FAM200B: variants seen among roughly 807,000 people sequenced by gnomAD.
FAM200B encodes zinc finger BED-type containing 11, also known as protein FAM200B.
A neutral mutation model predicts 33.1 loss-of-function variants in FAM200B; 32 were observed. The observed-to-expected ratio is 0.97, with a 90% CI of 0.73 to 1.30. The LOEUF is 1.30. Ranked by LOEUF, FAM200B falls within the 50% of genes most tolerant of loss-of-function variation. The pLI, the probability that FAM200B is intolerant of heterozygous loss-of-function variation, is 0.00. For synonymous variants in FAM200B, 240 were observed against 264.8 expected (o/e 0.91, Z 0.91); for missense variants, 741 against 754.0 (o/e 0.98, Z 0.20).
chr4:15,650,588 T>G, the FAM200B span, among the ~76,000 whole-genome samples: 2 of 150,762 alleles, frequency 1.3e-5, no homozygotes, highest in Non-Finnish European at 2.9e-5. Flanking sequence ...CTTATATATA[T>G]AAAAGGACGC....
the FAM200B span, among the ~76,000 whole-genome samples, chr4:15,651,646 T>C: frequency 6.6e-6 from 1 of 152,200 alleles, no homozygotes; most frequent in African/African-American, 2.4e-5. Context: ...AAAGGATATA[T>C]TCAAATTACT....
the FAM200B span, among the ~76,000 whole-genome samples, chr4:15,639,618 T>C: frequency 6.6e-6 from 1 of 152,196 alleles, no homozygotes; most frequent in Non-Finnish European, 1.5e-5. Flanking sequence ...TGTTTTCACT[T>C]CCACAGATAA....
the FAM200B span, chr4:15,638,809 GAT>G: frequency 3.1e-6 from 2 of 637,180 alleles, no homozygotes; most frequent in South Asian, 2.6e-5. Flanking sequence ...ATCTCAAAAA[GAT>G]AAAAATTTTA....
chr4:15,643,918 T>G, the FAM200B span, among the ~76,000 whole-genome samples: 1 of 152,180 alleles, frequency 6.6e-6, no homozygotes, highest in African/African-American at 2.4e-5. Flanking sequence ...CATTATAAAA[T>G]TTTATTAAAC....
At chr4:15,656,361 A>G in the FAM200B span, 1 of 447,418 alleles carries the variant, frequency 2.2e-6, no homozygotes, top group South Asian at 1.6e-5. Flanking sequence ...ATAGAGAAAT[A>G]GGAGAAAACA....
the FAM200B span, among the ~76,000 whole-genome samples, chr4:15,643,794 C>T: frequency 4.6e-5 from 7 of 152,154 alleles, no homozygotes; most frequent in African/African-American, 1.7e-4. Flanking sequence ...CCTTTGGTCA[C>T]CATTAACTGG....
chr4:15,678,724 T>C (rs747208741), upstream of FAM200B, among the ~76,000 whole-genome samples: 1 of 152,244 alleles, frequency 6.6e-6, no homozygotes, highest in Non-Finnish European at 1.5e-5. Flanking sequence ...ACAAATCAGC[T>C]TTTAATTATA....
the FAM200B span, among the ~76,000 whole-genome samples, chr4:15,636,931 T>A: frequency 1.3e-5 from 2 of 152,142 alleles, no homozygotes; most frequent in Non-Finnish European, 2.9e-5. Context: ...AGAATTAACT[T>A]CCTCTTACAA....
chr4:15,651,257 A>C, the FAM200B span, among the ~76,000 whole-genome samples: 1 of 152,236 alleles, frequency 6.6e-6, no homozygotes, highest in Non-Finnish European at 1.5e-5. Context: ...GCTACCAATA[A>C]GTAGCAGAAC....
At chr4:15,678,783 T>C (rs781325952), upstream of FAM200B, among the ~76,000 whole-genome samples, 25 of 152,322 alleles carry the variant, frequency 1.6e-4, no homozygotes, top group Non-Finnish European at 2.5e-4. Context: ...TCATTTTGTT[T>C]GAAATGTCAC....
chr4:15,658,143 G>A, the FAM200B span, among the ~76,000 whole-genome samples: 95,754 of 152,084 alleles, frequency 0.63, 30,253 homozygotes, highest in Non-Finnish European at 0.65. Flanking sequence ...TGGCCAGGGA[G>A]GGTCAATTCT....
chr4:15,662,909 T>TCAGAATAATCTTTCTGTCA, the FAM200B span, among the ~76,000 whole-genome samples: 7 of 152,202 alleles, frequency 4.6e-5, no homozygotes, highest in African/African-American at 1.4e-4. Context: ...CAGATCTTTG[T>TCAGAATAATCTTTCTGTCA]CAGAATAATC....
At chr4:15,653,930 TA>T in the FAM200B span, among the ~76,000 whole-genome samples, 1 of 152,224 alleles carries the variant, frequency 6.6e-6, no homozygotes, top group Non-Finnish European at 1.5e-5. Context: ...AGTTTAAGGC[TA>T]ATAAGCAACC....
the FAM200B span, among the ~76,000 whole-genome samples, chr4:15,667,092 G>A: frequency 6.6e-6 from 1 of 152,112 alleles, no homozygotes; most frequent in Non-Finnish European, 1.5e-5. Context: ...ATTACAAATT[G>A]CAGCTATTAA....
the FAM200B span, among the ~76,000 whole-genome samples, chr4:15,642,227 T>C: frequency 6.6e-6 from 1 of 150,586 alleles, no homozygotes; most frequent in African/African-American, 2.5e-5. Flanking sequence ...GTGGAAAATT[T>C]ATAAAATAAT....
chr4:15,676,656 G>A, the FAM200B span, among the ~76,000 whole-genome samples: 266 of 152,162 alleles, frequency 1.7e-3, 2 homozygotes, highest in African/African-American at 6.0e-3. Context: ...CTGGCTGAGA[G>A]AAGGGTAGAG....
At chr4:15,656,278 GACC>G in the FAM200B span, 1 of 456,124 alleles carries the variant, frequency 2.2e-6, no homozygotes, top group Non-Finnish European at 4.4e-6. Flanking sequence ...CCTGGCCACA[GACC>G]TCCTGGAGAC....
At chr4:15,639,357 C>G in the FAM200B span, among the ~76,000 whole-genome samples, 1 of 152,198 alleles carries the variant, frequency 6.6e-6, no homozygotes, top group East Asian at 1.9e-4. Context: ...TCCACCCAAA[C>G]AGGGCCTCTG....
At chr4:15,652,999 C>A in the FAM200B span, among the ~76,000 whole-genome samples, 1 of 152,156 alleles carries the variant, frequency 6.6e-6, no homozygotes, top group Non-Finnish European at 1.5e-5. Context: ...GATTACTGAA[C>A]CATTACAAAA....
Sources: gnomAD v4.1 joint callset for allele counts (sites outside exome capture counted in the v4.1 genomes callset) on GRCh38, gnomAD v4.1.1 for gene constraint, MANE v1.5 for transcripts, NCBI Gene and HGNC (gene_info 2026-07-23, HGNC 2026-07-21) for gene names.